CTNNA2: variants seen among roughly 807,000 people sequenced by gnomAD.
CTNNA2 encodes the protein catenin alpha 2.
Under a neutral mutation model 101.0 loss-of-function variants are expected in CTNNA2, and 42 were observed. That is an observed-to-expected ratio of 0.42 (90% CI 0.32 to 0.54). CTNNA2 has a LOEUF of 0.54. CTNNA2 is among the 20% of genes least tolerant of loss of function. CTNNA2 has a pLI of 0.14. For synonymous variants in CTNNA2, 450 were observed against 456.4 expected, an observed-to-expected ratio of 0.99 and a Z score of 0.18; for missense variants, 871 against 1,223.1, an observed-to-expected ratio of 0.71 and a Z score of 4.29.
At chr2:79,967,742 T>C (rs932554683) in intron 7 of CTNNA2, among the ~76,000 whole-genome samples, 17 of 152,190 alleles carry the variant, frequency 1.1e-4, no homozygotes, top group Non-Finnish European at 2.1e-4. Context: ...GAATTGAACA[T>C]AGTCACTCAA....
At chr2:80,068,619 G>A (rs1698128595) in intron 7 of CTNNA2, among the ~76,000 whole-genome samples, 1 of 152,152 alleles carries the variant, frequency 6.6e-6, no homozygotes, top group Non-Finnish European at 1.5e-5. Flanking sequence ...AAATTACAAT[G>A]TATTTTTTAC....
At chr2:80,049,576 C>T (rs1696739434) in intron 7 of CTNNA2, among the ~76,000 whole-genome samples, 1 of 152,166 alleles carries the variant, frequency 6.6e-6, no homozygotes, top group African/African-American at 2.4e-5. Context: ...ACCCAGGAAC[C>T]TCTTCACACA....
intron 4 of CTNNA2, among the ~76,000 whole-genome samples, chr2:79,398,231 C>CA (rs1678252814): frequency 6.6e-6 from 1 of 152,106 alleles, no homozygotes; most frequent in Admixed American, 6.6e-5. Flanking sequence ...AAACTAGTCA[C>CA]AATGGGATAC....
intron 7 of CTNNA2, among the ~76,000 whole-genome samples, chr2:80,053,588 A>G (rs1022402507): frequency 6.6e-6 from 1 of 152,178 alleles, no homozygotes; most frequent in African/African-American, 2.4e-5. Context: ...AACTGTCAAC[A>G]GTGCAAAGGT....
At chr2:79,258,704 G>C (rs977452951) in intron 2 of CTNNA2, among the ~76,000 whole-genome samples, 5 of 151,998 alleles carry the variant, frequency 3.3e-5, no homozygotes, top group Non-Finnish European at 1.5e-5. Context: ...AAAAATACAG[G>C]ACTAAGCTCA....
At chr2:79,958,256 C>T (rs189324144) in intron 7 of CTNNA2, among the ~76,000 whole-genome samples, 1 of 152,122 alleles carries the variant, frequency 6.6e-6, no homozygotes, top group Non-Finnish European at 1.5e-5. Flanking sequence ...ACAGACCCCC[C>T]AAAGATGTCC....
chr2:80,403,398 G>A (rs1377511285), intron 8 of CTNNA2, among the ~76,000 whole-genome samples: 1 of 152,136 alleles, frequency 6.6e-6, no homozygotes, highest in Non-Finnish European at 1.5e-5. Context: ...GAGATGACAC[G>A]TTGGACTCCA....
At chr2:79,493,221 G>A (rs1216290250) in intron 4 of CTNNA2, among the ~76,000 whole-genome samples, 3 of 151,988 alleles carry the variant, frequency 2.0e-5, no homozygotes, top group African/African-American at 7.2e-5. Context: ...AAAAACAGGA[G>A]GGAAGGGGAG....
intron 2 of CTNNA2, among the ~76,000 whole-genome samples, chr2:79,688,132 G>A (rs953345417): frequency 2.0e-5 from 3 of 152,078 alleles, no homozygotes; most frequent in South Asian, 4.1e-4. Flanking sequence ...CAGGATGGTA[G>A]TGAAATAAAC....
At chr2:79,622,867 A>G (rs1448999621) in intron 1 of CTNNA2, among the ~76,000 whole-genome samples, 1 of 152,164 alleles carries the variant, frequency 6.6e-6, no homozygotes. Context: ...TCCCATGTAT[A>G]TATAAAACTG....
At chr2:79,280,646 T>TGTGTGTGG (rs1553390790) in intron 2 of CTNNA2, among the ~76,000 whole-genome samples, 6 of 136,024 alleles carry the variant, frequency 4.4e-5, no homozygotes, top group African/African-American at 1.7e-4. Flanking sequence ...TGTGTGTGTG[T>TGTGTGTGG]GTGTGTGTGT....
intron 3 of CTNNA2, among the ~76,000 whole-genome samples, chr2:79,360,222 G>A (rs1424755973): frequency 1.3e-5 from 2 of 152,026 alleles, no homozygotes; most frequent in Admixed American, 6.6e-5. Context: ...AGTGCCATTC[G>A]GAAAGTTCAG....
chr2:80,191,723 C>T (rs1458837616), intron 7 of CTNNA2, among the ~76,000 whole-genome samples: 3 of 152,152 alleles, frequency 2.0e-5, no homozygotes, highest in Non-Finnish European at 4.4e-5. Context: ...TAATATATCT[C>T]TGTAGGGAAG....
intron 9 of CTNNA2, among the ~76,000 whole-genome samples, chr2:80,503,855 A>T (rs1188043036): frequency 1.3e-5 from 2 of 152,094 alleles, no homozygotes; most frequent in African/African-American, 4.8e-5. Context: ...TCTAGGAAAT[A>T]GTCTGCAAGG....
intron 3 of CTNNA2, among the ~76,000 whole-genome samples, chr2:79,368,680 A>G (rs553617817): frequency 5.6e-4 from 85 of 152,270 alleles, no homozygotes; most frequent in African/African-American, 1.6e-3. Context: ...GGTGGCACAC[A>G]CACAGCGCTG....
At chr2:79,282,408 TC>T (rs915176112) in intron 2 of CTNNA2, among the ~76,000 whole-genome samples, 6 of 151,050 alleles carry the variant, frequency 4.0e-5, no homozygotes, top group Admixed American at 1.3e-4. Flanking sequence ...CCCTCCCCGC[TC>T]CCCCCACCCT....
intron 2 of CTNNA2, among the ~76,000 whole-genome samples, chr2:79,278,850 G>A (rs1336653957): frequency 6.6e-6 from 1 of 152,090 alleles, no homozygotes; most frequent in African/African-American, 2.4e-5. Flanking sequence ...CCTCTGCTGT[G>A]GCTGGAATAG....
At chr2:80,051,577 CA>C (rs1231964196) in intron 7 of CTNNA2, among the ~76,000 whole-genome samples, 24 of 152,056 alleles carry the variant, frequency 1.6e-4, no homozygotes, top group Non-Finnish European at 2.1e-4. Context: ...AGCAAAATTG[CA>C]AGGGAATAAC....
chr2:79,311,562 C>T (rs1258826212), intron 2 of CTNNA2, among the ~76,000 whole-genome samples: 1 of 126,988 alleles, frequency 7.9e-6, no homozygotes, highest in African/African-American at 3.0e-5. Flanking sequence ...ATAGTGCGTC[C>T]CCCGGTGACA....
Sources: allele counts gnomAD v4.1 joint callset (sites outside exome capture counted in the v4.1 genomes callset), GRCh38; gene constraint gnomAD v4.1.1; transcripts MANE v1.5; gene names NCBI Gene and HGNC (gene_info 2026-07-23, HGNC 2026-07-21).